Variants in CDC73 observed in about 807,000 individuals in gnomAD.
The protein encoded by CDC73 is parafibromin.
A neutral mutation model predicts 83.7 loss-of-function variants in CDC73; 21 were observed. The ratio of observed to expected loss-of-function variants is 0.25; its 90% CI spans 0.18 to 0.36. The LOEUF (loss-of-function observed/expected upper bound fraction) is 0.36, where lower values mean the gene tolerates loss of function less well. Among genes scored for constraint, CDC73 ranks in the 10% least tolerant of loss-of-function variants. The pLI is 1.00. For synonymous variants in CDC73, 224 were observed against 212.9 expected, an observed-to-expected ratio of 1.05 and a Z score of -0.45; for missense variants, 342 against 653.3, an observed-to-expected ratio of 0.52 and a Z score of 5.19.
intron 10 of CDC73, among the ~76,000 whole-genome samples, chr1:193,187,483 C>T (rs1158494799): frequency 1.3e-5 from 2 of 152,090 alleles, no homozygotes; most frequent in Non-Finnish European, 2.9e-5. Flanking sequence ...TGGTTAGTTT[C>T]TGGGGCTGGC....
At chr1:193,212,200 C>T (rs1677291424) in intron 12 of CDC73, 100 bp downstream of exon 12, 2 of 1,030,000 alleles carry the variant, frequency 1.9e-6, no homozygotes, top group South Asian at 1.4e-5. Context: ...CATGTTTGTG[C>T]TTGGTATCCA....
intron 13 of CDC73, among the ~76,000 whole-genome samples, chr1:193,228,667 A>G (rs751125312): frequency 8.5e-5 from 13 of 152,186 alleles, no homozygotes; most frequent in African/African-American, 1.2e-4. Context: ...ATACACAAAC[A>G]TTTTTTAAGG....
chr1:193,188,097 A>T (rs1676851690), intron 10 of CDC73, among the ~76,000 whole-genome samples: 1 of 152,184 alleles, frequency 6.6e-6, no homozygotes, highest in Non-Finnish European at 1.5e-5. Context: ...GTGATTCTTT[A>T]CATAGGATTT....
intron 10 of CDC73, among the ~76,000 whole-genome samples, chr1:193,158,511 A>T (rs904665519): frequency 6.6e-6 from 1 of 151,856 alleles, no homozygotes; most frequent in Non-Finnish European, 1.5e-5. Context: ...ATAAAAAAAA[A>T]AATTAAGTAA....
At chr1:193,214,260 T>A (rs1677324632) in intron 13 of CDC73, among the ~76,000 whole-genome samples, 2 of 152,234 alleles carry the variant, frequency 1.3e-5, no homozygotes, top group Admixed American at 6.5e-5. Flanking sequence ...TGTTACATTG[T>A]ATTTAGCATT....
chr1:193,145,508 C>G lies in CDC73; in HGVS notation c.730-2359C>G, dbSNP rs570175464. Among the ~76,000 whole-genome samples the G allele has an allele frequency of 6.6e-5, 10 of 152,294 alleles. No homozygotes were observed. The South Asian group carries it at 2.1e-3, about 32-fold the overall frequency. On this transcript the variant is annotated intron_variant, in intron 7 of 16. Transcript: ENST00000367435. ...ATTTGCAAAAATTTAAAACCTGCCACTCTTTCTTGTCATTACTTTTATGCA... is the reference window on the plus strand; with the variant it reads ...ATTTGCAAAAATTTAAAACCTGCCAGTCTTTCTTGTCATTACTTTTATGCA...
chr1:193,202,431 C>G (rs1677107362), intron 10 of CDC73, among the ~76,000 whole-genome samples: 1 of 151,712 alleles, frequency 6.6e-6, no homozygotes, highest in African/African-American at 2.4e-5. Context: ...AAAGTTTTAC[C>G]TGAATGTAAT....
intron 15 of CDC73, among the ~76,000 whole-genome samples, chr1:193,239,610 T>A (rs1365659949): frequency 6.6e-6 from 1 of 152,218 alleles, no homozygotes; most frequent in Non-Finnish European, 1.5e-5. Context: ...TTAAAATTTT[T>A]TTTTGTTGAT....
Position 193,137,299 on chromosome 1 carries a change from A to T in CDC73, c.424-786A>T, listed in dbSNP as rs1386882086. Reference sequence around the variant, plus strand: ...AAGATTTTTACATGATAGATTAATAATAGGACATGAATTGGAGCCCAACAT... The same window carrying T: ...AAGATTTTTACATGATAGATTAATATTAGGACATGAATTGGAGCCCAACAT... On this transcript the variant is annotated intron_variant, in intron 5 of 16. Coordinates refer to ENST00000367435, the MANE Select transcript of CDC73 (RefSeq NM_024529.5). Among the ~76,000 whole-genome samples, 5 of 152,248 alleles carry T rather than the reference A, an allele frequency of 3.3e-5. No homozygotes were observed. The South Asian group carries it at 8.3e-4, about 25-fold the overall frequency.
At chr1:193,177,305 G>C (rs937075239) in intron 10 of CDC73, among the ~76,000 whole-genome samples, 4 of 137,840 alleles carry the variant, frequency 2.9e-5, no homozygotes, top group Non-Finnish European at 4.6e-5. Flanking sequence ...ACGAGGTCAG[G>C]AGATCGAGAC....
intron 10 of CDC73, among the ~76,000 whole-genome samples, chr1:193,157,052 CA>C (rs1191998150): frequency 1.3e-5 from 2 of 152,042 alleles, no homozygotes; most frequent in Non-Finnish European, 2.9e-5. Context: ...CAGAATACTT[CA>C]TTTAGGAGGT....
Position 193,151,070 on chromosome 1 carries a change from T to C in CDC73, c.907+688T>C, listed in dbSNP as rs142730775. Reference sequence around the variant, plus strand: ...TACTTTGTGATAGTCTACGTGGTATTCTGGCTAATGCAATAACACCATTTC... The same window carrying C: ...TACTTTGTGATAGTCTACGTGGTATCCTGGCTAATGCAATAACACCATTTC... On this transcript the variant is annotated intron_variant, in intron 9 of 16. Coordinates refer to ENST00000367435, the MANE Select transcript of CDC73 (RefSeq NM_024529.5). Among the ~76,000 whole-genome samples, 34 of 152,338 alleles carry C rather than the reference T, an allele frequency of 2.2e-4. No individual in the cohort carries two copies. In the East Asian group the frequency reaches 5.0e-3, roughly 22 times the overall value.
intron 10 of CDC73, among the ~76,000 whole-genome samples, chr1:193,158,507 A>T (rs1043257155): frequency 1.3e-5 from 2 of 151,924 alleles, no homozygotes; most frequent in Non-Finnish European, 2.9e-5. Flanking sequence ...AAAAATAAAA[A>T]AAAAAATTAA....
Position 193,249,659 on chromosome 1 carries a change from G to A in CDC73, c.1418-71G>A, listed in dbSNP as rs1272296600. 8.3e-6 allele frequency: 10 copies of A among 1,211,638 alleles called. No individual in the cohort carries two copies. The African/African-American group carries it at 9.1e-5, about 11-fold the overall frequency. 75.1% of individuals were successfully genotyped at this position (1,211,638 alleles called of 1,614,324 possible). A position where few individuals can be genotyped will look rare whatever the true frequency, so the allele number is the denominator to read the frequency against. On this transcript the variant is annotated intron_variant, in intron 15 of 16. Transcript: ENST00000367435. ...TAGTTATAATACGGCTTCAGTTGGT[G>A]GAATAAAGAAATTTTTTTCTTTTTT... is the stretch of plus-strand genomic sequence containing the variant.
At chr1:193,156,744 G>C (rs561691969) in intron 10 of CDC73, among the ~76,000 whole-genome samples, 1 of 152,126 alleles carries the variant, frequency 6.6e-6, no homozygotes, top group Admixed American at 6.5e-5. Context: ...TTCTGGAGTT[G>C]AGTGTAGAGT....
In CDC73 at chr1:193,161,640, T is replaced by TTA. The variant is rs1327188688; in HGVS notation, c.972+9201_972+9202dup. 3.4e-5 allele frequency among the ~76,000 whole-genome samples: 3 copies of TTA among 87,542 alleles called. No homozygotes were observed. The East Asian group carries it at 7.9e-4, about 23-fold the overall frequency. The allele number at this position is 87,542 out of a possible 152,430, so 57.4% of individuals were successfully genotyped here. On this transcript the variant is annotated intron_variant, in intron 10 of 16. Transcript: ENST00000367435. Reference sequence around the variant, plus strand: ...TATTATATGATAGATATATAATATATTATATAATATATAATATATTATATA... The same window carrying TTA: ...TATTATATGATAGATATATAATATATTATATATAATATATAATATATTATATA...
chr1:193,153,501 T>C (rs1348178753), intron 10 of CDC73, among the ~76,000 whole-genome samples: 2 of 152,188 alleles, frequency 1.3e-5, no homozygotes, highest in Non-Finnish European at 2.9e-5. Context: ...CTATATAACA[T>C]GGAATCATTA....
intron 10 of CDC73, chr1:193,181,179 A>G (rs1188194345): frequency 3.8e-5 from 62 of 1,613,918 alleles, no homozygotes; most frequent in Non-Finnish European, 5.0e-5. Context: ...TTGGATGTCC[A>G]GTACCTTTTT....
intron 10 of CDC73, chr1:193,186,627 GCTCT>G (rs773992209): frequency 6.6e-6 from 1 of 152,080 alleles, no homozygotes; most frequent in African/African-American, 2.4e-5. Flanking sequence ...CTTGACAGAT[GCTCT>G]CTCTGACAGA....
Sources: gnomAD v4.1 joint callset for allele counts (sites outside exome capture counted in the v4.1 genomes callset) on GRCh38, gnomAD v4.1.1 for gene constraint, MANE v1.5 for transcripts, NCBI Gene and HGNC (gene_info 2026-07-23, HGNC 2026-07-21) for gene names.